Variants in HPCAL1 observed in about 807,000 individuals in gnomAD.
The protein encoded by HPCAL1 is hippocalcin like 1.
In HPCAL1, 8 loss-of-function variants were observed where a neutral mutation model predicts 17.1. The ratio of observed to expected loss-of-function variants is 0.47; its 90% CI spans 0.27 to 0.84. The LOEUF is 0.84. HPCAL1 is among the 40% of genes least tolerant of loss of function. HPCAL1 has a pLI of 0.13. For synonymous variants in HPCAL1, 112 were observed against 111.4 expected (o/e 1.01, Z -0.03); for missense variants, 165 against 271.1 (o/e 0.61, Z 2.75).
chr2:10,345,474 T>TTC (rs1258517334), intron 1 of HPCAL1, among the ~76,000 whole-genome samples: 1 of 151,584 alleles, frequency 6.6e-6, no homozygotes, highest in African/African-American at 2.4e-5. Flanking sequence ...CTTTTTTTTT[T>TTC]TTTTGAGACA....
chr2:10,319,001 C>G (rs527444291), intron 1 of HPCAL1, among the ~76,000 whole-genome samples: 217 of 152,344 alleles, frequency 1.4e-3, no homozygotes, highest in Non-Finnish European at 2.1e-3. Flanking sequence ...TCCACAGCCT[C>G]CCTTTCGCAG....
intron 1 of HPCAL1, among the ~76,000 whole-genome samples, chr2:10,345,068 T>G (rs1007161103): frequency 6.6e-6 from 1 of 152,180 alleles, no homozygotes; most frequent in African/African-American, 2.4e-5. Flanking sequence ...TGTCTCTCTC[T>G]GTGCCTGTCT....
chr2:10,318,544 G>A (rs897250166), intron 1 of HPCAL1, among the ~76,000 whole-genome samples: 2 of 152,278 alleles, frequency 1.3e-5, no homozygotes, highest in African/African-American at 4.8e-5. Flanking sequence ...GTTGATGACC[G>A]CTCCGGACAT....
chr2:10,412,492 G>T (rs561313015), intron 2 of HPCAL1, among the ~76,000 whole-genome samples: 4 of 152,206 alleles, frequency 2.6e-5, no homozygotes. Flanking sequence ...AGGAAAGGGC[G>T]TGTGCAGCAA....
intron 2 of HPCAL1, among the ~76,000 whole-genome samples, chr2:10,409,992 G>GTT (rs1670245552): frequency 6.6e-6 from 1 of 151,964 alleles, no homozygotes; most frequent in Non-Finnish European, 1.5e-5. Context: ...GTTTCACCAT[G>GTT]TTGCTCAGGC....
chr2:10,322,393 T>C (rs988840621), intron 1 of HPCAL1, among the ~76,000 whole-genome samples: 10 of 151,918 alleles, frequency 6.6e-5, no homozygotes, highest in African/African-American at 2.2e-4. Context: ...TTGAAGAAAA[T>C]AAGGGCAGAA....
chr2:10,411,261 A>G (rs3771124), intron 2 of HPCAL1, among the ~76,000 whole-genome samples: 70,189 of 152,038 alleles, frequency 0.46, 16,516 homozygotes, highest in South Asian at 0.62. Context: ...AAGGGCCCAG[A>G]GGAGGTTACA....
chr2:10,396,612 C>T (rs965448105), intron 1 of HPCAL1, among the ~76,000 whole-genome samples: 6 of 152,348 alleles, frequency 3.9e-5, no homozygotes, highest in Admixed American at 2.0e-4. Context: ...CTTCTATCAA[C>T]GTTGTCCTGG....
Position 10,395,625 on chromosome 2 carries a change from T to A in HPCAL1, c.-110-1210T>A, listed in dbSNP as rs1311126466. On this transcript the variant is annotated intron_variant, in intron 1 of 4. Coordinates refer to ENST00000307845, the MANE Select transcript of HPCAL1 (RefSeq NM_002149.4). This position sits in a 1 kb window ranked among gnomAD's most constrained non-coding sequence, Gnocchi z 4.4. ...TGCTTGTAAAGCGGGATCGTTGCTA[T>A]GAGAGAGAGAACCTTGCGTTGGGAG... Among the ~76,000 whole-genome samples, 2 of 152,094 alleles carry A rather than the reference T, an allele frequency of 1.3e-5. No individual in the cohort carries two copies. Among genetic ancestry groups the A allele is most frequent in the African/African-American group, 4.8e-5 (2 of 41,404 alleles).
chr2:10,394,316 G>A lies in HPCAL1; in HGVS notation c.-110-2519G>A, dbSNP rs1668875250. ...TCTGCCAGGCCGGTAGGAAGGGGAT[G>A]ATGAAATGAGGACCTGGTACATTCT... On this transcript the variant is annotated intron_variant, in intron 1 of 4. Coordinates refer to ENST00000307845, the MANE Select transcript of HPCAL1 (RefSeq NM_002149.4). This position sits in a 1 kb window ranked among gnomAD's most constrained non-coding sequence, Gnocchi z 5.0. 6.6e-6 allele frequency among the ~76,000 whole-genome samples: 1 copy of A among 152,114 alleles called. No individual in the cohort carries two copies. The highest frequency in any genetic ancestry group is 1.5e-5 in the Non-Finnish European group (1 of 68,032).
rs563886877 is a variant in HPCAL1, at chr2:10,423,198, C to T, written c.484+110C>T. The T allele has an allele frequency of 8.0e-5, 62 of 778,366 alleles. No individual in the cohort carries two copies. In the African/African-American group the frequency reaches 9.2e-4, roughly 12 times the overall value. The allele number at this position is 778,366 out of a possible 1,614,324, so 48.2% of individuals were successfully genotyped here. A position where few individuals can be genotyped will look rare whatever the true frequency, so the allele number is the denominator to read the frequency against. Reference sequence around the variant, plus strand: ...AGCTTCTTGGTCTCCTGAGGGCCACCCCCGCCCGCCACCTGCCTGGCGCCT... The same window carrying T: ...AGCTTCTTGGTCTCCTGAGGGCCACTCCCGCCCGCCACCTGCCTGGCGCCT... On this transcript the variant is annotated intron_variant, in intron 4 of 4. Coordinates refer to ENST00000307845, the MANE Select transcript of HPCAL1 (RefSeq NM_002149.4).
At chr2:10,400,566 G>A (rs535266214) in intron 2 of HPCAL1, among the ~76,000 whole-genome samples, 1 of 152,172 alleles carries the variant, frequency 6.6e-6, no homozygotes, top group Non-Finnish European at 1.5e-5. Flanking sequence ...CTAGGCAGAC[G>A]CTGGTCATGA....
At chr2:10,400,180 T>TG (rs1416597009) in intron 2 of HPCAL1, among the ~76,000 whole-genome samples, 2 of 152,030 alleles carry the variant, frequency 1.3e-5, no homozygotes, top group Admixed American at 1.3e-4. Flanking sequence ...CGTGCACCCG[T>TG]GGCAAGGAGG....
intron 2 of HPCAL1, among the ~76,000 whole-genome samples, chr2:10,412,133 C>T (rs909017904): frequency 3.3e-5 from 5 of 152,300 alleles, no homozygotes; most frequent in South Asian, 2.1e-4. Flanking sequence ...CCGCAGGAGA[C>T]GAAGGCTCTA....
rs142137898 is a variant in HPCAL1, at chr2:10,376,876, T to C, written c.-110-19959T>C. On this transcript the variant is annotated intron_variant, in intron 1 of 4. Coordinates refer to ENST00000307845, the MANE Select transcript of HPCAL1 (RefSeq NM_002149.4). The stretch of plus-strand genomic sequence containing the variant: ...GTGTGTAGTACAATACATAGCGTAT[T>C]GTATTGTGTGTAGTACAATACATAG... Among the ~76,000 whole-genome samples the C allele has an allele frequency of 3.6e-3, 457 of 125,908 alleles. 7 individuals carry two copies. The highest frequency in any genetic ancestry group is 0.019 in the South Asian group (69 of 3,572). The allele number at this position is 125,908 out of a possible 152,430, so 82.6% of individuals were successfully genotyped here.
chr2:10,395,871 T>C lies in HPCAL1; in HGVS notation c.-110-964T>C, dbSNP rs960864753. On this transcript the variant is annotated intron_variant, in intron 1 of 4. Transcript: ENST00000307845. The surrounding 1 kb of genome is among the most constrained non-coding windows in gnomAD (Gnocchi z 4.4). Reference sequence around the variant, plus strand: ...GATTACGTTGGATAATGAGTACAAATGCATAGACAGCCTTTAGCAAGGAGC... The same window carrying C: ...GATTACGTTGGATAATGAGTACAAACGCATAGACAGCCTTTAGCAAGGAGC... 2.0e-5 allele frequency among the ~76,000 whole-genome samples: 3 copies of C among 152,124 alleles called. No homozygotes were observed. The highest frequency in any genetic ancestry group is 1.5e-5 in the Non-Finnish European group (1 of 68,026).
chr2:10,368,919 C>T (rs954962829), intron 1 of HPCAL1: 5 of 152,248 alleles, frequency 3.3e-5, no homozygotes, highest in Middle Eastern at 3.2e-3. Context: ...TAACTGGCTT[C>T]GTTTTCTTCA....
chr2:10,366,402 A>AT (rs1328019981), intron 1 of HPCAL1, among the ~76,000 whole-genome samples: 1 of 151,840 alleles, frequency 6.6e-6, no homozygotes, highest in Non-Finnish European at 1.5e-5. Context: ...CACCCAGCTA[A>AT]TTTTTGTATT....
chr2:10,417,119 T>G (rs561874671), intron 2 of HPCAL1, among the ~76,000 whole-genome samples: 1 of 151,526 alleles, frequency 6.6e-6, no homozygotes, highest in East Asian at 2.0e-4. Context: ...TCCCAGCACA[T>G]TGGGAGGCTG....
Sources: allele counts gnomAD v4.1 joint callset (sites outside exome capture counted in the v4.1 genomes callset), GRCh38; gene constraint gnomAD v4.1.1; non-coding constraint Gnocchi (gnomAD v3.1); transcripts MANE v1.5; gene names NCBI Gene and HGNC (gene_info 2026-07-23, HGNC 2026-07-21).